TMEM25: variants seen among roughly 807,000 people sequenced by gnomAD.
The protein encoded by TMEM25 is transmembrane protein 25, also known as 0610039J01Rik.
Under a neutral mutation model 37.0 loss-of-function variants are expected in TMEM25, and 36 were observed. The ratio of observed to expected loss-of-function variants is 0.97; its 90% CI spans 0.75 to 1.28. TMEM25 has a LOEUF of 1.28. Among genes scored for constraint, TMEM25 ranks in the 50% most tolerant of loss-of-function variants. The pLI is 0.00. For missense variants in TMEM25, 444 were observed against 477.9 expected, an observed-to-expected ratio of 0.93 and a Z score of 0.66; for synonymous variants, 197 against 203.7, an observed-to-expected ratio of 0.97 and a Z score of 0.28.
downstream of TMEM25, chr11:118,546,790 G>A (rs1951698260): frequency 6.6e-6 from 1 of 152,312 alleles, no homozygotes; most frequent in African/African-American, 2.4e-5. Flanking sequence ...AGTTATATAT[G>A]CATTACTTGG....
chr11:118,540,984 TG>T lies in TMEM25; in HGVS notation c.1028-5131del, dbSNP rs551969191. On this transcript the variant is annotated intron_variant, in intron 8 of 8. Coordinates refer to the TMEM25 transcript ENST00000354284. ...AATGGGGAGTGACTACTGGTGAATA[TG>T]GGGTTCTTTTTTGGGGTGATGAAAA... is the stretch of plus-strand genomic sequence containing the variant. Among the ~76,000 whole-genome samples, 360 of 152,132 alleles carry T rather than the reference TG, an allele frequency of 2.4e-3. 2 individuals are homozygous for T. Among genetic ancestry groups the T allele is most frequent in the African/African-American group, 8.0e-3 (331 of 41,508 alleles).
chr11:118,533,226 C>G lies in TMEM25; in HGVS notation c.673+19C>G. 1 of 1,576,830 alleles carries G rather than the reference C, an allele frequency of 6.3e-7. No homozygotes were observed. Among genetic ancestry groups the G allele is most frequent in the Non-Finnish European group, 8.6e-7 (1 of 1,165,890 alleles). On this transcript the variant is annotated intron_variant, in intron 4 of 8. Coordinates refer to ENST00000313236, the MANE Select transcript of TMEM25 (RefSeq NM_032780.4). ...GCCCCAGGTGAGCATGGCCAGCAAG[C>G]GGCCCTGCAAAGCTTCAGGTGGGCT...
chr11:118,546,095 C>G, intron 8 of TMEM25: 2 of 718,418 alleles, frequency 2.8e-6, no homozygotes, highest in Non-Finnish European at 5.2e-6. Context: ...GGGCCTTAAT[C>G]CAGTATGACT....
chr11:118,546,305 C>G, exon 9 of TMEM25: 1 of 615,528 alleles, frequency 1.6e-6, no homozygotes, highest in South Asian at 2.0e-5. Flanking sequence ...CGAGACCAGC[C>G]TGGGCAACAT....
chr11:118,542,062 G>C lies in TMEM25; in HGVS notation c.1028-4057G>C, dbSNP rs578033183. Among the ~76,000 whole-genome samples the C allele has an allele frequency of 2.0e-5, 3 of 152,136 alleles. No individual in the cohort carries two copies. The South Asian group carries it at 6.2e-4, about 32-fold the overall frequency. On this transcript the variant is annotated intron_variant, in intron 8 of 8. Transcript: ENST00000354284. ...TGACTCACTGTGCCTGGCCTTTTTA[G>C]CTCCCACTTACAAGTAAGAACATGC...
At chr11:118,546,220 G>A (rs1555067114) in exon 9 of TMEM25, 1 of 715,688 alleles carries the variant, frequency 1.4e-6, no homozygotes, top group African/African-American at 1.8e-5. Context: ...ATCTTGGTGG[G>A]GCGTGGTGGC....
downstream of TMEM25, chr11:118,547,177 C>G (rs1951706657): frequency 6.6e-6 from 1 of 152,168 alleles, no homozygotes; most frequent in African/African-American, 2.4e-5. Flanking sequence ...TTTCCAAATT[C>G]TGTGTGTTTA....
chr11:118,533,939 G>A lies in TMEM25; in HGVS notation c.836+52G>A, dbSNP rs372823380. ...AAGCCTAACCGAAATGCAGGATGGG[G>A]ACAGGAGGGAGCCTGGGGTTTCTGG... On this transcript the variant is annotated intron_variant, in intron 6 of 8. Transcript: ENST00000313236. 115 of 1,613,934 alleles carry A rather than the reference G, an allele frequency of 7.1e-5. No homozygotes were observed. The African/African-American group carries it at 1.1e-3, about 15-fold the overall frequency.
chr11:118,546,514 G>A, downstream of TMEM25: 1 of 192,178 alleles, frequency 5.2e-6, no homozygotes, highest in Non-Finnish European at 1.1e-5. Flanking sequence ...GGGAGGGAGG[G>A]AATCAACCAT....
At chr11:118,545,605 G>C (rs375796985) in intron 8 of TMEM25, 2 of 1,105,894 alleles carry the variant, frequency 1.8e-6, no homozygotes, top group South Asian at 2.7e-5. Context: ...CTATGACTTT[G>C]GGGGTTAAAT....
downstream of TMEM25, among the ~76,000 whole-genome samples, chr11:118,536,228 A>G (rs1221517582): frequency 8.1e-6 from 1 of 123,836 alleles, no homozygotes; most frequent in East Asian, 2.5e-4. Flanking sequence ...AGTTTTGCTC[A>G]TGTTGCCCAG....
At chr11:118,545,525 A>G in intron 8 of TMEM25, 1 of 1,568,916 alleles carries the variant, frequency 6.4e-7, no homozygotes, top group East Asian at 2.2e-5. Flanking sequence ...CAGGAACAGA[A>G]GCAAACAAAC....
intron 4 of TMEM25, 31 bp downstream of exon 4, chr11:118,533,238 G>A: frequency 7.6e-6 from 12 of 1,568,706 alleles, no homozygotes; most frequent in Non-Finnish European, 1.0e-5. Context: ...GCCCTGCAAA[G>A]CTTCAGGTGG....
chr11:118,533,544 A>C lies in TMEM25; in HGVS notation c.798A>C (p.Lys266Asn), dbSNP rs782297825. 33 of 1,613,812 alleles carry C rather than the reference A, an allele frequency of 2.0e-5. No individual in the cohort carries two copies. In the African/African-American group the frequency reaches 4.0e-4, roughly 20 times the overall value. Residue 266 changes from lysine to asparagine, a missense_variant, in exon 5 of 9, where the codon AAA becomes AAC. Physicochemically the swap from Lys to Asn is moderately conservative, Grantham distance 94 (BLOSUM62 0). Transcript: ENST00000313236. ...VACLVCRKEK[K>N]TKGPSRHPSL... The stretch of plus-strand genomic sequence containing the variant: ...GCCTGGTCTGCAGAAAAGAGAAGAA[A>C]ACCAAAGGTAGGCCAGGGACACTGG...
chr11:118,544,727 ATCTG>A, intron 8 of TMEM25: 1 of 580,988 alleles, frequency 1.7e-6, no homozygotes, highest in East Asian at 2.9e-5. Context: ...GGGGACAGCA[ATCTG>A]AGGCAGGCAG....
Position 118,531,833 on chromosome 11 carries a change from G to T in TMEM25, c.32G>T (p.Arg11Leu), listed in dbSNP as rs148214991. The T allele has an allele frequency of 1.7e-5, 27 of 1,551,364 alleles. No individual in the cohort carries two copies. The highest frequency in any genetic ancestry group is 2.3e-5 in the Non-Finnish European group (26 of 1,146,962). MALPPGPAAL[R>L]HTLLLLPALL... ...CTGCCTCCAGGCCCAGCCGCCCTCC[G>T]GCACACACTGCTGCTCCTGCCAGCC... Residue 11 changes from arginine to leucine, a missense_variant, in exon 2 of 9, where the codon CGG (arginine) becomes CTG (leucine). Physicochemically the swap from Arg to Leu is moderately radical, Grantham distance 102. Coordinates refer to ENST00000313236, the MANE Select transcript of TMEM25 (RefSeq NM_032780.4).
intron 8 of TMEM25, chr11:118,545,522 A>C (rs1555066864): frequency 6.4e-7 from 1 of 1,571,422 alleles, no homozygotes; most frequent in Admixed American, 1.7e-5. Flanking sequence ...TTCCAGGAAC[A>C]GAAGCAAACA....
In TMEM25 at chr11:118,535,454, C is replaced by T. The variant is rs1951486488; in HGVS notation, c.*874C>T. On this transcript the variant is annotated 3_prime_UTR_variant, in exon 9 of 9. Transcript: ENST00000313236. ...TTGTGGCTTCCCCACGTTTGGCCTT[C>T]TGGGATTCACTGTGAGTGTCCTGAG... is the stretch of plus-strand genomic sequence containing the variant. The T allele has an allele frequency of 6.7e-7, 1 of 1,491,814 alleles. No individual in the cohort carries two copies. Among genetic ancestry groups the T allele is most frequent in the African/African-American group, 1.4e-5 (1 of 71,652 alleles). 92.4% of individuals were successfully genotyped at this position (1,491,814 alleles called of 1,614,324 possible).
downstream of TMEM25, among the ~76,000 whole-genome samples, chr11:118,539,537 G>C (rs782406166): frequency 3.9e-5 from 6 of 151,962 alleles, no homozygotes; most frequent in Non-Finnish European, 7.4e-5. Flanking sequence ...TATTTTTATA[G>C]TTTCAGGTCT....
Sources: gnomAD v4.1 joint callset for allele counts (sites outside exome capture counted in the v4.1 genomes callset) on GRCh38, gnomAD v4.1.1 for gene constraint, MANE v1.5 for transcripts, NCBI Gene and HGNC (gene_info 2026-07-23, HGNC 2026-07-21) for gene names.